The following MYT1L variants were observed in gnomAD, a reference collection of about 807,000 sequenced individuals.
MYT1L encodes myelin transcription factor 1-like protein.
MYT1L carries 12 observed loss-of-function variants against 126.7 expected under a neutral mutation model. The observed-to-expected ratio is 0.09, with a 90% CI of 0.06 to 0.15. The LOEUF (loss-of-function observed/expected upper bound fraction) is 0.15. Among genes scored for constraint, MYT1L ranks in the 10% least tolerant of loss-of-function variants. The pLI is 1.00. For missense variants in MYT1L, 979 were observed against 1,585.2 expected (o/e 0.62, Z 6.49); for synonymous variants, 541 against 604.2 (o/e 0.90, Z 1.53).
chr2:1,936,494 G>A (rs532421758), intron 9 of MYT1L, among the ~76,000 whole-genome samples: 1 of 152,284 alleles, frequency 6.6e-6, no homozygotes, highest in South Asian at 2.1e-4. Context: ...TGCAGGGAGA[G>A]GTTAGTTTTA....
At chr2:2,266,916 C>T (rs533129418) in intron 2 of MYT1L, among the ~76,000 whole-genome samples, 1 of 152,300 alleles carries the variant, frequency 6.6e-6, no homozygotes, top group African/African-American at 2.4e-5. Context: ...AACTGTGATT[C>T]CATTAAAGCT....
intron 2 of MYT1L, among the ~76,000 whole-genome samples, chr2:2,218,151 T>A (rs1020977906): frequency 6.6e-6 from 1 of 152,190 alleles, no homozygotes; most frequent in African/African-American, 2.4e-5. Context: ...TGGAGAAAGT[T>A]TGGCAGTTTG....
At chr2:2,329,274 T>C (rs1024932225) in intron 1 of MYT1L, among the ~76,000 whole-genome samples, 1 of 122,966 alleles carries the variant, frequency 8.1e-6, no homozygotes, top group South Asian at 2.5e-4. Context: ...CAAGGAAGAA[T>C]CCAACCAAGA....
At chr2:1,792,869 C>CAAAA (rs1491339862) in intron 23 of MYT1L, among the ~76,000 whole-genome samples, 1 of 2,218 alleles carries the variant, frequency 4.5e-4, no homozygotes, top group African/African-American at 1.1e-3. Flanking sequence ...GATTCCGTCT[C>CAAAA]ACAAAAAAAA....
Position 2,055,956 on chromosome 2 carries a change from G to A in MYT1L, c.-303-1833C>T, listed in dbSNP as rs1047242609. Among the ~76,000 whole-genome samples, 3 of 152,314 alleles carry A rather than the reference G, an allele frequency of 2.0e-5. No homozygotes were observed. The East Asian group carries it at 5.8e-4, about 29-fold the overall frequency. ...AAAAGGTAACAAGGAGGAAGACCTGGAGACCATCAGGCCATTCCTGTGGGA... is the reference window on the plus strand; with the variant it reads ...AAAAGGTAACAAGGAGGAAGACCTGAAGACCATCAGGCCATTCCTGTGGGA... On this transcript the variant is annotated intron_variant, in intron 3 of 24. Transcript: ENST00000647738.
At chr2:1,964,824 A>C (rs2059215103) in intron 8 of MYT1L, among the ~76,000 whole-genome samples, 1 of 152,172 alleles carries the variant, frequency 6.6e-6, no homozygotes, top group Admixed American at 6.5e-5. Context: ...GTGCTTCCGG[A>C]AAGGCTTCCA....
At position 1,791,830 on chromosome 2, in the gene MYT1L, C is replaced by A; in HGVS notation, c.*37G>T. 1.3e-6 allele frequency: 2 copies of A among 1,518,142 alleles called. No individual in the cohort carries two copies. Among genetic ancestry groups the A allele is most frequent in the South Asian group, 1.3e-5 (1 of 74,848 alleles). 94.0% of individuals were successfully genotyped at this position (1,518,142 alleles called of 1,614,324 possible). A position where few individuals can be genotyped will look rare whatever the true frequency, so the allele number is the denominator to read the frequency against. On this transcript the variant is annotated 3_prime_UTR_variant, in exon 25 of 25. Coordinates refer to ENST00000647738, the MANE Select transcript of MYT1L (RefSeq NM_001303052.2). This position sits in a 1 kb window ranked among gnomAD's most constrained non-coding sequence, Gnocchi z 6.0. ...TACAGCAGCAAAAAACAAGAGGCAT[C>A]CTTTTTAAGCAAGAGTTTCATCACT...
At chr2:1,800,940 G>A (rs2034734922) in intron 23 of MYT1L, among the ~76,000 whole-genome samples, 1 of 152,030 alleles carries the variant, frequency 6.6e-6, no homozygotes, top group African/African-American at 2.4e-5. Flanking sequence ...TGCTCACCCT[G>A]TGGGCAATGT....
chr2:1,836,460 T>C (rs1199170146), intron 21 of MYT1L, among the ~76,000 whole-genome samples: 1 of 150,786 alleles, frequency 6.6e-6, no homozygotes, highest in Non-Finnish European at 1.5e-5. Flanking sequence ...TCCATCAGCC[T>C]GTGCCCCCAA....
intron 2 of MYT1L, among the ~76,000 whole-genome samples, chr2:2,239,186 G>A (rs1016906161): frequency 6.6e-6 from 1 of 152,240 alleles, no homozygotes; most frequent in Non-Finnish European, 1.5e-5. Context: ...GCTCCTCACT[G>A]TGGCTTTTGC....
intron 8 of MYT1L, among the ~76,000 whole-genome samples, chr2:1,950,843 T>C (rs911242372): frequency 6.6e-6 from 1 of 152,124 alleles, no homozygotes; most frequent in African/African-American, 2.4e-5. Context: ...ACCATCACTG[T>C]GGCTGTGGTG....
At chr2:1,792,752 C>T (rs1399201840) in intron 23 of MYT1L, among the ~76,000 whole-genome samples, 11 of 151,836 alleles carry the variant, frequency 7.2e-5, no homozygotes, top group African/African-American at 2.7e-4. Context: ...CGCCTGTAAT[C>T]CCAGCTACTC....
At chr2:2,122,872 T>TGTGTGTGAGA (rs553951630) in intron 3 of MYT1L, among the ~76,000 whole-genome samples, 2,148 of 132,878 alleles carry the variant, frequency 0.016, 32 homozygotes, top group South Asian at 0.045. Flanking sequence ...TGTGTGTGTG[T>TGTGTGTGAGA]GAGAGAGAGA....
At chr2:1,843,077 GC>G (rs1416764169) in intron 19 of MYT1L, among the ~76,000 whole-genome samples, 2 of 152,208 alleles carry the variant, frequency 1.3e-5, no homozygotes, top group African/African-American at 4.8e-5. Flanking sequence ...CGACTCGTAG[GC>G]CCCGCCATCC....
intron 3 of MYT1L, among the ~76,000 whole-genome samples, chr2:2,091,266 T>C (rs1056240542): frequency 6.6e-6 from 1 of 152,256 alleles, no homozygotes; most frequent in Non-Finnish European, 1.5e-5. Context: ...GTAGAATGGA[T>C]GTTGTGTTTC....
At chr2:2,312,229 CTG>C (rs1489259429) in intron 1 of MYT1L, among the ~76,000 whole-genome samples, 1 of 152,210 alleles carries the variant, frequency 6.6e-6, no homozygotes, top group Non-Finnish European at 1.5e-5. Flanking sequence ...CCCAGTGTCT[CTG>C]TCTTTGGCTT....
At position 1,799,149 on chromosome 2, in the gene MYT1L, C is replaced by T. The variant is rs143711848; in HGVS notation, c.3276+2547G>A. ...CTGGGAAGTCACCTCTCTCATCAGC[C>T]GAGTCAGTGAGAATAAATGTGAACT... On this transcript the variant is annotated intron_variant, in intron 23 of 24. Coordinates refer to ENST00000647738, the MANE Select transcript of MYT1L (RefSeq NM_001303052.2). Among the ~76,000 whole-genome samples the T allele has an allele frequency of 3.8e-3, 583 of 152,270 alleles. 12 individuals are homozygous for T. The highest frequency in any genetic ancestry group is 0.017 in the East Asian group (88 of 5,182).
rs530710480 is a variant in MYT1L, at chr2:1,951,700, G to A, written c.153-8366C>T. Among the ~76,000 whole-genome samples, 6 of 152,314 alleles carry A rather than the reference G, an allele frequency of 3.9e-5. No homozygotes were observed. In the South Asian group the frequency reaches 1.2e-3, roughly 32 times the overall value. ...CTGTGAGATGAAGGGTAGTGCCCATGCTACACACTTAGGGCAGCACACGAA... is the reference window on the plus strand; with the variant it reads ...CTGTGAGATGAAGGGTAGTGCCCATACTACACACTTAGGGCAGCACACGAA... On this transcript the variant is annotated intron_variant, in intron 8 of 24. Transcript: ENST00000647738.
chr2:1,892,435 CAAACAACAGGCAAACGAAAACA>C (rs1248368481), intron 14 of MYT1L, 148 bp from the exon 15 acceptor site: 1 of 1,051,984 alleles, frequency 9.5e-7, no homozygotes, highest in Non-Finnish European at 1.3e-6. Flanking sequence ...GTAAAGAAAA[CAAACAACAGGCAAACGAAAACA>C]AAACAAAACT....
Sources: allele counts gnomAD v4.1 joint callset (sites outside exome capture counted in the v4.1 genomes callset), GRCh38; gene constraint gnomAD v4.1.1; non-coding constraint Gnocchi (gnomAD v3.1); transcripts MANE v1.5; gene names NCBI Gene and HGNC (gene_info 2026-07-23, HGNC 2026-07-21).